Variants in CD247 observed in about 807,000 individuals in gnomAD.
CD247 encodes the protein T-cell surface glycoprotein CD3 zeta chain.
Under a neutral mutation model 30.0 loss-of-function variants are expected in CD247, and 13 were observed. The observed-to-expected ratio is 0.43, with a 90% confidence interval of 0.28 to 0.69. The LOEUF (loss-of-function observed/expected upper bound fraction) is 0.69. CD247 is among the 30% of genes least tolerant of loss of function. CD247 has a pLI of 0.16. For synonymous variants in CD247, 72 were observed against 80.0 expected, an observed-to-expected ratio of 0.90 and a Z score of 0.53; for missense variants, 193 against 212.6, an observed-to-expected ratio of 0.91 and a Z score of 0.57.
chr1:167,468,327 T>TA (rs1653356480), intron 1 of CD247, among the ~76,000 whole-genome samples: 1 of 152,212 alleles, frequency 6.6e-6, no homozygotes, highest in Non-Finnish European at 1.5e-5. Context: ...GGCAAGTTAA[T>TA]ACCCATAAAG....
At chr1:167,495,230 CCTCT>C (rs1654634285) in intron 1 of CD247, among the ~76,000 whole-genome samples, 1 of 152,194 alleles carries the variant, frequency 6.6e-6, no homozygotes, top group African/African-American at 2.4e-5. Context: ...TGTTACATAA[CCTCT>C]CTAAGCCTCA....
intron 1 of CD247, among the ~76,000 whole-genome samples, chr1:167,471,153 G>A (rs1033711951): frequency 2.6e-5 from 4 of 152,134 alleles, no homozygotes; most frequent in Non-Finnish European, 4.4e-5. Flanking sequence ...TTATAGGTAT[G>A]AGCCACTGCG....
intron 1 of CD247, among the ~76,000 whole-genome samples, chr1:167,470,954 C>T (rs1256947713): frequency 6.6e-6 from 1 of 151,530 alleles, no homozygotes; most frequent in African/African-American, 2.4e-5. Context: ...TCACTGCAAC[C>T]TCCACCTCCT....
In CD247 at chr1:167,454,677, C is replaced by G. The variant is rs560897310; in HGVS notation, c.59-13910G>C. ...ATAGCATGATCACTATTGTTATTAT[C>G]CAGTGCTGTAAGGACGAGATGCTTT... On this transcript the variant is annotated intron_variant, in intron 1 of 7. Transcript: ENST00000362089. Among the ~76,000 whole-genome samples, 877 of 118,364 alleles carry G rather than the reference C, an allele frequency of 7.4e-3. 4 individuals are homozygous for G. Among genetic ancestry groups the G allele is most frequent in the South Asian group, 0.016 (57 of 3,598 alleles). The allele number at this position is 118,364 out of a possible 152,430, so 77.7% of individuals were successfully genotyped here.
intron 6 of CD247, 100 bp downstream of exon 6, chr1:167,433,920 G>T: frequency 9.1e-7 from 1 of 1,095,274 alleles, no homozygotes; most frequent in Non-Finnish European, 1.4e-6. Context: ...ATGGGCATTT[G>T]CAGCTGGGAT....
At chr1:167,493,984 C>T (rs1158838836) in intron 1 of CD247, among the ~76,000 whole-genome samples, 1 of 152,166 alleles carries the variant, frequency 6.6e-6, no homozygotes, top group African/African-American at 2.4e-5. Flanking sequence ...TCTGTTGTGT[C>T]TGCAGGTGCA....
chr1:167,510,944 T>A (rs1199392761), intron 1 of CD247, among the ~76,000 whole-genome samples: 1 of 151,966 alleles, frequency 6.6e-6, no homozygotes, highest in South Asian at 2.1e-4. Flanking sequence ...CCACTAAGAG[T>A]CTCAGATATT....
intron 1 of CD247, among the ~76,000 whole-genome samples, chr1:167,493,286 G>T (rs571760189): frequency 6.6e-6 from 1 of 151,876 alleles, no homozygotes; most frequent in Non-Finnish European, 1.5e-5. Flanking sequence ...CAGGCAATCC[G>T]CCAGCCTCGG....
chr1:167,465,613 G>A (rs940747243), intron 1 of CD247, among the ~76,000 whole-genome samples: 3 of 152,172 alleles, frequency 2.0e-5, no homozygotes, highest in African/African-American at 7.2e-5. Context: ...TTACAGGCGT[G>A]AGCCACCGCA....
chr1:167,469,451 T>A (rs1426508333), intron 1 of CD247, among the ~76,000 whole-genome samples: 1 of 152,224 alleles, frequency 6.6e-6, no homozygotes, highest in African/African-American at 2.4e-5. Context: ...TCTTTCCCTG[T>A]CCTCTGGCAT....
intron 1 of CD247, among the ~76,000 whole-genome samples, chr1:167,447,179 C>T (rs1019718931): frequency 3.3e-5 from 5 of 152,214 alleles, no homozygotes; most frequent in African/African-American, 1.2e-4. Flanking sequence ...TCAGAACAAC[C>T]TTGCACAATA....
intron 1 of CD247, among the ~76,000 whole-genome samples, chr1:167,482,471 G>T (rs1188245323): frequency 3.9e-5 from 6 of 152,132 alleles, no homozygotes; most frequent in Non-Finnish European, 8.8e-5. Flanking sequence ...TTCCTCTCTG[G>T]GTGTCTTCCA....
At chr1:167,489,506 C>G (rs1321918460) in intron 1 of CD247, among the ~76,000 whole-genome samples, 1 of 152,112 alleles carries the variant, frequency 6.6e-6, no homozygotes, top group Non-Finnish European at 1.5e-5. Context: ...AAGTTTGACC[C>G]TATTCAGTGA....
At chr1:167,475,526 G>A (rs574973048) in intron 1 of CD247, among the ~76,000 whole-genome samples, 1 of 152,296 alleles carries the variant, frequency 6.6e-6, no homozygotes, top group South Asian at 2.1e-4. Context: ...ATGAAATAGA[G>A]GCTCTAGGCA....
At chr1:167,453,156 T>G (rs534063296) in intron 1 of CD247, among the ~76,000 whole-genome samples, 1 of 152,062 alleles carries the variant, frequency 6.6e-6, no homozygotes, top group African/African-American at 2.4e-5. Context: ...ACAATCATTG[T>G]CATACCAAAC....
intron 1 of CD247, among the ~76,000 whole-genome samples, chr1:167,487,046 C>A (rs1302029523): frequency 6.7e-6 from 1 of 150,212 alleles, no homozygotes; most frequent in Non-Finnish European, 1.5e-5. Context: ...TGCACTCCAG[C>A]CTGGGTGACA....
chr1:167,440,671 C>T lies in CD247; in HGVS notation c.155G>A (p.Arg52Lys), dbSNP rs368651001. The stretch of plus-strand genomic sequence containing the variant: ...AAGCCCAGTGGTACCCACCTTCACT[C>T]TCAGGAACAAGGCAGTGAGAATGAC... ...YGVILTALFL[R>K]VKFSRSADAP... Residue 52 changes from arginine (R) to lysine (K), a missense_variant, in exon 2 of 8, where the codon AGA becomes AAA. Arg to Lys is a conservative substitution (Grantham distance 26). Coordinates refer to ENST00000362089, the MANE Select transcript of CD247 (RefSeq NM_198053.3). 2.2e-5 allele frequency: 36 copies of T among 1,611,384 alleles called. No homozygotes were observed. Among genetic ancestry groups the T allele is most frequent in the Admixed American group, 5.0e-5 (3 of 59,988 alleles).
At chr1:167,484,930 C>T (rs1654140057) in intron 1 of CD247, among the ~76,000 whole-genome samples, 2 of 152,352 alleles carry the variant, frequency 1.3e-5, no homozygotes, top group East Asian at 1.9e-4. Flanking sequence ...GGCTCATTCC[C>T]TGCTGCTCTG....
chr1:167,458,759 G>T (rs1652847328), intron 1 of CD247: 1 of 135,894 alleles, frequency 7.4e-6, no homozygotes, highest in African/African-American at 2.9e-5. Context: ...GTGCAGTGGT[G>T]CAATCTTGGC....
Sources: gnomAD v4.1 joint callset for allele counts (sites outside exome capture counted in the v4.1 genomes callset) on GRCh38, gnomAD v4.1.1 for gene constraint, MANE v1.5 for transcripts, NCBI Gene and HGNC (gene_info 2026-07-23, HGNC 2026-07-21) for gene names.